The following FLII variants were observed in gnomAD, a reference collection of about 807,000 sequenced individuals.
FLII encodes the protein FLII actin remodeling protein.
In FLII, 101 loss-of-function variants were observed where a neutral mutation model predicts 156.2. The observed-to-expected ratio is 0.65, with a 90% CI of 0.55 to 0.76. FLII has a LOEUF of 0.76. Ranked by LOEUF, FLII falls within the 30% of genes least tolerant of loss-of-function variation. FLII has a pLI of 0.00. For synonymous variants in FLII, 767 were observed against 685.8 expected, an observed-to-expected ratio of 1.12 and a Z score of -1.85; for missense variants, 1,675 against 1,682.8, an observed-to-expected ratio of 1.00 and a Z score of 0.08.
Position 18,247,922 on chromosome 17 carries a change from C to G in FLII, c.2295+7G>C, listed in dbSNP as rs1217581780. 3 of 1,613,732 alleles carry G rather than the reference C, an allele frequency of 1.9e-6. No individual in the cohort carries two copies. In the African/African-American group the frequency reaches 4.0e-5, roughly 22 times the overall value. On this transcript the variant is annotated splice_region_variant and intron_variant, in intron 19 of 29. Coordinates refer to ENST00000327031, the MANE Select transcript of FLII (RefSeq NM_002018.4). ...CTGGCCCCACGCCCTCCTCCTGCATCTCTTACCAGCCGCATTCTTGGCATC... is the reference window on the plus strand; with the variant it reads ...CTGGCCCCACGCCCTCCTCCTGCATGTCTTACCAGCCGCATTCTTGGCATC...
chr17:18,248,965 T>A, intron 16 of FLII, 82 bp from the exon 17 acceptor site: 5 of 1,438,350 alleles, frequency 3.5e-6, no homozygotes, highest in Middle Eastern at 1.8e-4. Flanking sequence ...CCAAAAAAAA[T>A]CCCTCACTAT....
chr17:18,250,753 C>A, intron 14 of FLII, 85 bp downstream of exon 14: 2 of 1,440,678 alleles, frequency 1.4e-6, no homozygotes, highest in Non-Finnish European at 1.9e-6. Context: ...ACCTGTTCTG[C>A]CTACCTGCCT....
At chr17:18,251,587 AC>A (rs999905159) in intron 12 of FLII, 92 bp downstream of exon 12, 2 of 1,584,080 alleles carry the variant, frequency 1.3e-6, no homozygotes, top group Non-Finnish European at 1.7e-6. Context: ...TCTGCCCAGC[AC>A]CCCCCGTCCC....
At chr17:18,249,818 CAACA>C (rs2142829572) in intron 14 of FLII, among the ~76,000 whole-genome samples, 1 of 147,312 alleles carries the variant, frequency 6.8e-6, no homozygotes, top group African/African-American at 2.5e-5. Flanking sequence ...AAACAAACAA[CAACA>C]AAAAAAACAG....
intron 12 of FLII, 71 bp from the exon 13 acceptor site, chr17:18,251,548 C>A: frequency 6.4e-7 from 1 of 1,561,398 alleles, no homozygotes; most frequent in Non-Finnish European, 8.7e-7. Flanking sequence ...TTGCTACCCA[C>A]ACCTCAGGGC....
At position 18,258,217 on chromosome 17, in the gene FLII, G is replaced by T. The variant is rs1317407904; in HGVS notation, c.63+411C>A. The stretch of plus-strand genomic sequence containing the variant: ...GTGGCGGTGGCGGGGAGAGGGCAGT[G>T]ATGAGTCGGCTCCACACCCGCCCCT... On this transcript the variant is annotated intron_variant, in intron 1 of 29. Coordinates refer to ENST00000327031, the MANE Select transcript of FLII (RefSeq NM_002018.4). The surrounding 1 kb of genome is among the most constrained non-coding windows in gnomAD (Gnocchi z 4.2). Among the ~76,000 whole-genome samples the T allele has an allele frequency of 6.6e-6, 1 of 152,222 alleles. No individual in the cohort carries two copies. Among genetic ancestry groups the T allele is most frequent in the East Asian group, 1.9e-4 (1 of 5,190 alleles).
intron 4 of FLII, 110 bp from the exon 5 acceptor site, chr17:18,254,964 G>T (rs1171249209): frequency 1.1e-5 from 12 of 1,110,552 alleles, no homozygotes; most frequent in Non-Finnish European, 1.6e-5. Context: ...TAGATGAGGG[G>T]GCTTCAGGGC....
rs1356396875 is a variant in FLII at position 18,256,685 on chromosome 17, A to C, written c.175-88T>G. 8.9e-6 allele frequency: 11 copies of C among 1,242,462 alleles called. 1 individual carries two copies. Among genetic ancestry groups the C allele is most frequent in the Non-Finnish European group, 1.3e-5 (11 of 870,844 alleles). 77.0% of individuals were successfully genotyped at this position (1,242,462 alleles called of 1,614,324 possible). A position where few individuals can be genotyped will look rare whatever the true frequency, so the allele number is the denominator to read the frequency against. ...CCTCCACAACTCTGCACCATCCAGG[A>C]AGGCCTCAGCCACACTGGCCCAACT... On this transcript the variant is annotated intron_variant, in intron 2 of 29. Transcript: ENST00000327031.
chr17:18,254,390 C>T (rs940589827), intron 6 of FLII, 131 bp downstream of exon 6: 1 of 950,960 alleles, frequency 1.1e-6, no homozygotes. Context: ...AGGTTGTACA[C>T]TGAGGGGTGC....
At chr17:18,247,444 G>T in intron 20 of FLII, 87 bp from the exon 21 acceptor site, 1 of 1,320,080 alleles carries the variant, frequency 7.6e-7, no homozygotes, top group Non-Finnish European at 1.1e-6. Flanking sequence ...CGGGACCCAA[G>T]GGAGATCTAG....
Position 18,246,579 on chromosome 17 carries a change from G to A in FLII, c.3051+15C>T. ...CCTCCGCCTGGCCTCGGGCTCGCGGGGCTGCCAGGCACACCTCCAGCTTCC... is the reference window on the plus strand; with the variant it reads ...CCTCCGCCTGGCCTCGGGCTCGCGGAGCTGCCAGGCACACCTCCAGCTTCC... On this transcript the variant is annotated intron_variant, in intron 23 of 29. Coordinates refer to ENST00000327031, the MANE Select transcript of FLII (RefSeq NM_002018.4). 1 of 1,613,298 alleles carries A rather than the reference G, an allele frequency of 6.2e-7. No individual in the cohort carries two copies. The highest frequency in any genetic ancestry group is 8.5e-7 in the Non-Finnish European group (1 of 1,179,498).
At chr17:18,253,035 A>G (rs113053908) in intron 9 of FLII, among the ~76,000 whole-genome samples, 1,527 of 152,290 alleles carry the variant, frequency 0.01, 31 homozygotes, top group African/African-American at 0.035. Flanking sequence ...CTATAATCCC[A>G]GCTACTCAGG....
intron 21 of FLII, 28 bp downstream of exon 21, chr17:18,247,141 C>CT: frequency 6.6e-6 from 9 of 1,364,734 alleles, no homozygotes; most frequent in Non-Finnish European, 5.8e-6. Context: ...CCCCCCCCCC[C>CT]GCGCCCCGGT....
Position 18,245,857 on chromosome 17 carries a change from G to A in FLII, c.3397-7C>T, listed in dbSNP as rs950785815. The A allele has an allele frequency of 6.2e-7, 1 of 1,613,926 alleles. No homozygotes were observed. The highest frequency in any genetic ancestry group is 2.2e-5 in the East Asian group (1 of 44,860). On this transcript the variant is annotated splice_region_variant and splice_polypyrimidine_tract_variant and intron_variant, in intron 26 of 29. Transcript: ENST00000327031. The stretch of plus-strand genomic sequence containing the variant: ...CCTCACCTTCGTTGATAACCTGCGG[G>A]AAAGGCCAGTCCAGCCCAGGGCCCC...
rs1269464465 is a variant in FLII at position 18,246,007 on chromosome 17, G to A, written c.3323C>T (p.Ala1108Val). The A allele has an allele frequency of 6.2e-7, 1 of 1,614,076 alleles. No individual in the cohort carries two copies. Among genetic ancestry groups the A allele is most frequent in the East Asian group, 2.2e-5 (1 of 44,864 alleles). Reference sequence around the variant, plus strand: ...CAACTTGGCTTCGTCAGGGTCTGATGCCCGGCCCACCCAGGCATACACGAT... The same window carrying A: ...CAACTTGGCTTCGTCAGGGTCTGATACCCGGCCCACCCAGGCATACACGAT... Reference protein sequence around the residue: ...QGIVYAWVGRASDPDEAKLAE... With the variant: ...QGIVYAWVGRVSDPDEAKLAE... Residue 1108 changes from alanine (A) to valine (V), a missense_variant, in exon 26 of 30, where the codon GCA becomes GTA. Physicochemically the swap from Ala to Val is moderately conservative, Grantham distance 64. Transcript: ENST00000327031.
intron 27 of FLII, 39 bp from the exon 28 acceptor site, chr17:18,245,699 G>A (rs1285960606): frequency 6.8e-6 from 11 of 1,611,656 alleles, no homozygotes; most frequent in Non-Finnish European, 9.3e-6. Context: ...GAGGTCATAA[G>A]CAGCAGTGCC....
intron 3 of FLII, among the ~76,000 whole-genome samples, 160 bp downstream of exon 3, chr17:18,256,366 A>G (rs1322977913): frequency 2.0e-5 from 3 of 152,114 alleles, no homozygotes; most frequent in African/African-American, 7.2e-5. Context: ...CACTGCTGTA[A>G]CCTCTAATGA....
intron 6 of FLII, 28 bp from the exon 7 acceptor site, chr17:18,254,210 C>A: frequency 6.5e-7 from 1 of 1,549,736 alleles, no homozygotes; most frequent in Admixed American, 1.8e-5. Flanking sequence ...GTGGTCAGGG[C>A]CAGGGCCCAC....
chr17:18,256,199 C>A (rs547785088), intron 3 of FLII, among the ~76,000 whole-genome samples: 1 of 152,374 alleles, frequency 6.6e-6, no homozygotes, highest in African/African-American at 2.4e-5. Context: ...AGGGCTAGAG[C>A]ATATGAAAAA....
Sources: gnomAD v4.1 joint callset for allele counts (sites outside exome capture counted in the v4.1 genomes callset) on GRCh38, gnomAD v4.1.1 for gene constraint, Gnocchi (gnomAD v3.1) non-coding constraint, MANE v1.5 for transcripts, NCBI Gene and HGNC (gene_info 2026-07-23, HGNC 2026-07-21) for gene names.